SLC26A7: variants seen among roughly 807,000 people sequenced by gnomAD.
SLC26A7 encodes solute carrier family 26 member 7, also known as anion exchange transporter.
SLC26A7 carries 59 observed loss-of-function variants against 82.5 expected under a neutral mutation model. The observed-to-expected ratio is 0.72, with a 90% confidence interval of 0.58 to 0.89. The LOEUF (loss-of-function observed/expected upper bound fraction) is 0.89. Ranked by LOEUF, SLC26A7 falls within the 40% of genes least tolerant of loss-of-function variation. The pLI, the probability that SLC26A7 is intolerant of heterozygous loss-of-function variation, is 0.00. For missense variants in SLC26A7, 820 were observed against 793.0 expected (o/e 1.03, Z -0.41); for synonymous variants, 271 against 274.3 (o/e 0.99, Z 0.12).
chr8:91,393,734 A>AT, intron 16 of SLC26A7, 63 bp from the exon 17 acceptor site: 1 of 1,556,834 alleles, frequency 6.4e-7, no homozygotes, highest in East Asian at 2.2e-5. Context: ...TCTGAAGCCC[A>AT]TCTTATTTCC....
intron 2 of SLC26A7, among the ~76,000 whole-genome samples, chr8:91,236,185 T>C (rs1015783631): frequency 6.6e-6 from 1 of 152,180 alleles, no homozygotes; most frequent in Non-Finnish European, 1.5e-5. Context: ...ATAGATATTC[T>C]TAACTGCATG....
intron 2 of SLC26A7, among the ~76,000 whole-genome samples, chr8:91,268,050 G>T (rs768438871): frequency 9.2e-5 from 14 of 151,762 alleles, no homozygotes; most frequent in Non-Finnish European, 1.8e-4. Context: ...TATTTCTACA[G>T]TTTCCAATAT....
chr8:91,301,224 T>C (rs1291209521), intron 4 of SLC26A7, among the ~76,000 whole-genome samples: 2 of 152,206 alleles, frequency 1.3e-5, no homozygotes, highest in Non-Finnish European at 2.9e-5. Flanking sequence ...TTATCAGGTC[T>C]AAGTCTCAAT....
At position 91,366,834 on chromosome 8, in the gene SLC26A7, C is replaced by T. The variant is rs530137341; in HGVS notation, c.1626+117C>T. 7 of 1,133,660 alleles carry T rather than the reference C, an allele frequency of 6.2e-6. No homozygotes were observed. In the South Asian group the frequency reaches 1.2e-4, roughly 19 times the overall value. The allele number at this position is 1,133,660 out of a possible 1,614,324, so 70.2% of individuals were successfully genotyped here. A position where few individuals can be genotyped will look rare whatever the true frequency, so the allele number is the denominator to read the frequency against. ...ACGAGTATTTCGAGACCTCTCCCTT[C>T]AGCAAAACCTATGATTATTTGATTA... On this transcript the variant is annotated intron_variant, in intron 14 of 18. Coordinates refer to ENST00000276609, the MANE Select transcript of SLC26A7 (RefSeq NM_052832.4).
At chr8:91,213,238 G>C (rs374794365) in intron 1 of SLC26A7, among the ~76,000 whole-genome samples, 2 of 152,032 alleles carry the variant, frequency 1.3e-5, no homozygotes, top group East Asian at 3.9e-4. Flanking sequence ...TTTCTTTGTC[G>C]TTTCTGTTCT....
intron 2 of SLC26A7, among the ~76,000 whole-genome samples, chr8:91,229,740 C>A (rs1283820609): frequency 6.6e-6 from 1 of 152,070 alleles, no homozygotes; most frequent in Non-Finnish European, 1.5e-5. Context: ...GCATTGCCAC[C>A]ACCCCAAAAA....
chr8:91,363,569 A>G, intron 13 of SLC26A7, 31 bp downstream of exon 13: 1 of 1,243,500 alleles, frequency 8.0e-7, no homozygotes, highest in Non-Finnish European at 1.1e-6. Context: ...CCTTTATGCA[A>G]TTGTTAATCA....
intron 2 of SLC26A7, among the ~76,000 whole-genome samples, chr8:91,250,636 C>G (rs2130696981): frequency 6.6e-6 from 1 of 152,210 alleles, no homozygotes; most frequent in Non-Finnish European, 1.5e-5. Flanking sequence ...ATTTCTGAAC[C>G]TTGAGAATTT....
chr8:91,344,720 C>A (rs1477434674), intron 9 of SLC26A7, among the ~76,000 whole-genome samples: 1 of 152,168 alleles, frequency 6.6e-6, no homozygotes, highest in African/African-American at 2.4e-5. Context: ...CCTCCTCCGA[C>A]CTTGGTTTAT....
chr8:91,335,894 G>A (rs1813227148), intron 6 of SLC26A7, among the ~76,000 whole-genome samples: 1 of 152,156 alleles, frequency 6.6e-6, no homozygotes. Flanking sequence ...GGGAGACCCA[G>A]CCTCTTGCTC....
intron 2 of SLC26A7, among the ~76,000 whole-genome samples, chr8:91,269,834 G>A (rs899665217): frequency 3.0e-4 from 46 of 151,944 alleles, no homozygotes; most frequent in African/African-American, 9.4e-4. Flanking sequence ...GTTTGAGCTC[G>A]CTTAGTCTTT....
At chr8:91,378,695 T>A (rs1250183860) in intron 15 of SLC26A7, among the ~76,000 whole-genome samples, 2 of 151,702 alleles carry the variant, frequency 1.3e-5, no homozygotes, top group East Asian at 3.9e-4. Context: ...ACTGTCTCTC[T>A]CATGACCATA....
At chr8:91,298,723 T>C (rs1023900393) in intron 4 of SLC26A7, among the ~76,000 whole-genome samples, 1 of 152,162 alleles carries the variant, frequency 6.6e-6, no homozygotes. Context: ...TATAGCAAGA[T>C]GGGACTGTAA....
chr8:91,362,582 T>A (rs770079574), intron 12 of SLC26A7, 123 bp downstream of exon 12: 2 of 626,174 alleles, frequency 3.2e-6, no homozygotes, highest in Non-Finnish European at 5.4e-6. Flanking sequence ...AATCTCATGT[T>A]TTTCTTGCTG....
chr8:91,391,643 A>G (rs549285491), intron 16 of SLC26A7, among the ~76,000 whole-genome samples: 2 of 152,110 alleles, frequency 1.3e-5, no homozygotes, highest in African/African-American at 4.8e-5. Flanking sequence ...CCTAAAGTCT[A>G]CAAGAGTCTC....
intron 4 of SLC26A7, among the ~76,000 whole-genome samples, chr8:91,300,632 C>T (rs1340724050): frequency 2.0e-5 from 3 of 152,218 alleles, no homozygotes; most frequent in Non-Finnish European, 4.4e-5. Flanking sequence ...CTCCTGACCT[C>T]GTGATCCGCC....
chr8:91,361,214 T>C (rs1461719575), intron 11 of SLC26A7, among the ~76,000 whole-genome samples: 5 of 152,104 alleles, frequency 3.3e-5, no homozygotes, highest in African/African-American at 1.2e-4. Flanking sequence ...TCAAACTCAG[T>C]GTAGATAAAT....
At chr8:91,292,231 G>A (rs549340644) in intron 3 of SLC26A7, among the ~76,000 whole-genome samples, 3 of 151,784 alleles carry the variant, frequency 2.0e-5, no homozygotes, top group Non-Finnish European at 4.4e-5. Context: ...GTGTGAACCC[G>A]GGAGGCAGAG....
At chr8:91,347,556 T>C (rs534423178) in intron 9 of SLC26A7, among the ~76,000 whole-genome samples, 1 of 152,342 alleles carries the variant, frequency 6.6e-6, no homozygotes, top group East Asian at 1.9e-4. Flanking sequence ...CAGCATACCT[T>C]AATATGAACT....
Sources: gnomAD v4.1 joint callset for allele counts (sites outside exome capture counted in the v4.1 genomes callset) on GRCh38, gnomAD v4.1.1 for gene constraint, MANE v1.5 for transcripts, NCBI Gene and HGNC (gene_info 2026-07-23, HGNC 2026-07-21) for gene names.